Variants in DFFB observed in about 807,000 individuals in gnomAD.
The protein encoded by DFFB is DNA fragmentation factor 40 kDa subunit.
A neutral mutation model predicts 32.7 loss-of-function variants in DFFB; 29 were observed. That is an observed-to-expected ratio of 0.89 (90% CI 0.66 to 1.21). The LOEUF is 1.21. Ranked by LOEUF, DFFB falls within the 50% of genes most tolerant of loss-of-function variation. DFFB has a pLI of 0.00. For synonymous variants in DFFB, 170 were observed against 177.1 expected (o/e 0.96, Z 0.32); for missense variants, 398 against 440.6 (o/e 0.90, Z 0.87).
intron 4 of DFFB, 70 bp from the exon 5 acceptor site, chr1:3,869,535 T>C: frequency 1.3e-6 from 2 of 1,492,962 alleles, no homozygotes; most frequent in Non-Finnish European, 1.8e-6. Flanking sequence ...TGGAGTGAGA[T>C]GGATCGAGAG....
Position 3,883,562 on chromosome 1 carries a change from G to A in DFFB, c.838G>A (p.Asp280Asn). The stretch of plus-strand genomic sequence containing the variant: ...ACTGGTGGAAGCAATTAAGGAACAA[G>A]ATGGAAGAGAAGTGGACTGGGAGTA... ...PTLVEAIKEQ[D>N]GREVDWEYFY... is the part of the protein sequence containing the mutation. The change falls in exon 7 of 7, where the codon GAT becomes AAT. Residue 280 changes from aspartate to asparagine, a missense_variant. Coordinates refer to ENST00000378209, the MANE Select transcript of DFFB (RefSeq NM_004402.4). 6.2e-7 allele frequency: 1 copy of A among 1,614,214 alleles called. No homozygotes were observed. The highest frequency in any genetic ancestry group is 8.5e-7 in the Non-Finnish European group (1 of 1,180,028).
chr1:3,860,329 T>C (rs751233098), intron 2 of DFFB: 1 of 308,804 alleles, frequency 3.2e-6, no homozygotes, highest in Non-Finnish European at 7.2e-6. Context: ...GTGTTTCAAG[T>C]GATCCCGTTG....
chr1:3,874,560 C>T (rs1224761475), intron 6 of DFFB, among the ~76,000 whole-genome samples: 3 of 70,366 alleles, frequency 4.3e-5, no homozygotes, highest in South Asian at 6.1e-4. Flanking sequence ...CATGCACATA[C>T]GTGGCCTCCC....
At chr1:3,873,501 T>C (rs1354907086) in intron 6 of DFFB, among the ~76,000 whole-genome samples, 6 of 149,822 alleles carry the variant, frequency 4.0e-5, no homozygotes, top group Non-Finnish European at 8.9e-5. Flanking sequence ...TTTTCTGAGA[T>C]GGAGTTTTGC....
intron 2 of DFFB, among the ~76,000 whole-genome samples, chr1:3,864,069 C>T (rs750341003): frequency 3.9e-5 from 6 of 152,060 alleles, no homozygotes; most frequent in East Asian, 1.9e-4. Flanking sequence ...TGGGTTCAAG[C>T]GATTCTCTTG....
chr1:3,866,882 C>G (rs528788278), intron 3 of DFFB, among the ~76,000 whole-genome samples: 1 of 152,256 alleles, frequency 6.6e-6, no homozygotes, highest in South Asian at 2.1e-4. Flanking sequence ...TCATCCATAT[C>G]GTAGCGTATA....
chr1:3,862,052 T>C (rs952077229), intron 2 of DFFB, among the ~76,000 whole-genome samples: 1 of 152,200 alleles, frequency 6.6e-6, no homozygotes, highest in Non-Finnish European at 1.5e-5. Context: ...TAAGATCATA[T>C]GCAAATATAG....
intron 6 of DFFB, among the ~76,000 whole-genome samples, chr1:3,880,898 C>T (rs1430559833): frequency 6.6e-6 from 1 of 152,220 alleles, no homozygotes; most frequent in African/African-American, 2.4e-5. Context: ...TTGGAAGCAA[C>T]TTCCTGCCAT....
At chr1:3,866,813 C>T (rs1644991825) in intron 3 of DFFB, among the ~76,000 whole-genome samples, 1 of 152,170 alleles carries the variant, frequency 6.6e-6, no homozygotes, top group African/African-American at 2.4e-5. Context: ...TGAATGCAGT[C>T]ACATAGTATT....
chr1:3,872,599 CCA>C (rs1434438155), intron 6 of DFFB, 27 bp downstream of exon 6: 29 of 1,450,040 alleles, frequency 2.0e-5, no homozygotes, highest in Non-Finnish European at 2.6e-5. Context: ...AGGTTCAGAC[CCA>C]CGAGTGCCTG....
chr1:3,867,913 A>C, intron 3 of DFFB, 61 bp from the exon 4 acceptor site: 1 of 1,517,914 alleles, frequency 6.6e-7, no homozygotes, highest in Non-Finnish European at 9.2e-7. Context: ...TGGGCAGGAC[A>C]CAGACCCAGA....
At chr1:3,880,538 G>A (rs1217164311) in intron 6 of DFFB, among the ~76,000 whole-genome samples, 2 of 152,228 alleles carry the variant, frequency 1.3e-5, no homozygotes, top group African/African-American at 2.4e-5. Context: ...GGCCTGTCAC[G>A]TGGGCAGCCC....
At chr1:3,868,986 T>C (rs1645055379) in intron 4 of DFFB, among the ~76,000 whole-genome samples, 1 of 152,208 alleles carries the variant, frequency 6.6e-6, no homozygotes, top group Non-Finnish European at 1.5e-5. Context: ...TCCCTGCAAG[T>C]GCAATGACCA....
At chr1:3,862,605 A>G (rs759037896) in intron 2 of DFFB, among the ~76,000 whole-genome samples, 1 of 152,234 alleles carries the variant, frequency 6.6e-6, no homozygotes, top group Non-Finnish European at 1.5e-5. Flanking sequence ...GAAGAGTAGT[A>G]TCTTCAACAG....
At chr1:3,880,566 T>C (rs1055716488) in intron 6 of DFFB, among the ~76,000 whole-genome samples, 1 of 152,184 alleles carries the variant, frequency 6.6e-6, no homozygotes, top group African/African-American at 2.4e-5. Flanking sequence ...CTGCTGGGTC[T>C]GCCTCTCCTG....
At chr1:3,881,146 T>C (rs1232595552) in intron 6 of DFFB, among the ~76,000 whole-genome samples, 1 of 152,172 alleles carries the variant, frequency 6.6e-6, no homozygotes, top group Non-Finnish European at 1.5e-5. Context: ...AACACTGCCA[T>C]GGCCATGTGA....
chr1:3,871,953 G>A (rs988965091), intron 5 of DFFB, among the ~76,000 whole-genome samples: 1 of 152,126 alleles, frequency 6.6e-6, no homozygotes, highest in African/African-American at 2.4e-5. Flanking sequence ...TCACACTGGC[G>A]TGGGCAGCAC....
chr1:3,880,052 G>A (rs1015255480), intron 6 of DFFB, among the ~76,000 whole-genome samples: 13 of 152,178 alleles, frequency 8.5e-5, no homozygotes, highest in African/African-American at 3.1e-4. Flanking sequence ...GTTCACCTGG[G>A]GGCCTTGGGT....
At position 3,869,637 on chromosome 1, in the gene DFFB, G is replaced by A. The variant is rs771599486; in HGVS notation, c.543G>A (p.Glu181=). 2.5e-6 allele frequency: 4 copies of A among 1,613,408 alleles called. No individual in the cohort carries two copies. The highest frequency in any genetic ancestry group is 3.4e-6 in the Non-Finnish European group (4 of 1,179,794). The change falls in exon 5 of 7, where the codon GAG becomes GAA. Residue 181 remains glutamate (E), a synonymous_variant. Coordinates refer to ENST00000378209, the MANE Select transcript of DFFB (RefSeq NM_004402.4). ...CCTACCCCTCCACGGTGGGTGCGGA[G>A]GCTCAGGAGGAATTCCTGCGGGTCC... ...VSSYPSTVGA[E]AQEEFLRVLG... is the part of the protein sequence containing the mutation.
Sources: allele counts gnomAD v4.1 joint callset (sites outside exome capture counted in the v4.1 genomes callset), GRCh38; gene constraint gnomAD v4.1.1; transcripts MANE v1.5; gene names NCBI Gene and HGNC (gene_info 2026-07-23, HGNC 2026-07-21).